Variants in NPSR1 observed in about 807,000 individuals in gnomAD.
The protein encoded by NPSR1 is neuropeptide S receptor 1.
NPSR1 carries 48 observed loss-of-function variants against 46.9 expected under a neutral mutation model. That is an observed-to-expected ratio of 1.02 (90% CI 0.81 to 1.30). The LOEUF is 1.30. Among genes scored for constraint, NPSR1 ranks in the 50% most tolerant of loss-of-function variants. The pLI is 0.00. For synonymous variants in NPSR1, 176 were observed against 168.1 expected (o/e 1.05, Z -0.36); for missense variants, 450 against 449.5 (o/e 1.00, Z -0.01).
rs374029237 is a variant in NPSR1, at chr7:34,740,685, G to A, written c.281-37777G>A. On this transcript the variant is annotated intron_variant, in intron 2 of 8. Transcript: ENST00000360581. Reference sequence around the variant, plus strand: ...CTAGACCTTTAGGTTACCTAGTGACGGTGTGTGTTTGGGGGTGGACAATCT... The same window carrying A: ...CTAGACCTTTAGGTTACCTAGTGACAGTGTGTGTTTGGGGGTGGACAATCT... 5.1e-4 allele frequency among the ~76,000 whole-genome samples: 77 copies of A among 152,242 alleles called. 2 individuals carry two copies. In the South Asian group the frequency reaches 9.1e-3, roughly 18 times the overall value.
At position 34,793,861 on chromosome 7, in the gene NPSR1, T is replaced by C. The variant is rs544299480; in HGVS notation, c.384+15296T>C. 2.0e-5 allele frequency among the ~76,000 whole-genome samples: 3 copies of C among 152,298 alleles called. No individual in the cohort carries two copies. The East Asian group carries it at 5.8e-4, about 29-fold the overall frequency. The stretch of plus-strand genomic sequence containing the variant: ...GAATGAATTTAAAAATCTTGGTATA[T>C]ACATAATATGCAATACTATTCATTC... On this transcript the variant is annotated intron_variant, in intron 3 of 8. Coordinates refer to ENST00000360581, the MANE Select transcript of NPSR1 (RefSeq NM_207172.2).
At chr7:34,724,677 C>A (rs992303905) in intron 2 of NPSR1, among the ~76,000 whole-genome samples, 1 of 152,084 alleles carries the variant, frequency 6.6e-6, no homozygotes, top group Non-Finnish European at 1.5e-5. Context: ...GGGGTAAAAT[C>A]CCAGCTCTAT....
At chr7:34,670,536 T>G (rs60891964) in intron 1 of NPSR1, among the ~76,000 whole-genome samples, 1 of 151,316 alleles carries the variant, frequency 6.6e-6, no homozygotes, top group African/African-American at 2.4e-5. Context: ...AAAACAAAAA[T>G]TTAAAGGGAA....
intron 8 of NPSR1, among the ~76,000 whole-genome samples, chr7:34,866,238 G>A (rs1040777365): frequency 6.6e-6 from 1 of 151,774 alleles, no homozygotes; most frequent in East Asian, 1.9e-4. Flanking sequence ...AGATAAGCCA[G>A]TTAACGGGAA....
chr7:34,799,188 T>C lies in NPSR1; in HGVS notation c.385-12582T>C, dbSNP rs139370468. On this transcript the variant is annotated intron_variant, in intron 3 of 8. Coordinates refer to ENST00000360581, the MANE Select transcript of NPSR1 (RefSeq NM_207172.2). ...TGAGGTAATGAATATGTTAATTAGCTTTACTTAGCCATTCCACATGTATAC... is the reference window on the plus strand; with the variant it reads ...TGAGGTAATGAATATGTTAATTAGCCTTACTTAGCCATTCCACATGTATAC... 1.5e-3 allele frequency among the ~76,000 whole-genome samples: 226 copies of C among 152,228 alleles called. 4 individuals carry two copies. Among genetic ancestry groups the C allele is most frequent in the African/African-American group, 4.8e-3 (201 of 41,578 alleles).
intron 2 of NPSR1, among the ~76,000 whole-genome samples, chr7:34,758,638 G>T (rs140038972): frequency 6.6e-6 from 1 of 152,252 alleles, no homozygotes; most frequent in African/African-American, 2.4e-5. Context: ...TTCAAGAGTA[G>T]TACAAATACC....
At chr7:34,817,678 T>C (rs1356572986) in intron 4 of NPSR1, among the ~76,000 whole-genome samples, 2 of 150,026 alleles carry the variant, frequency 1.3e-5, no homozygotes, top group Non-Finnish European at 3.0e-5. Flanking sequence ...AATAAAGTAC[T>C]GGCAAACTGA....
chr7:34,722,299 G>A (rs1783899803), intron 2 of NPSR1, among the ~76,000 whole-genome samples: 2 of 152,000 alleles, frequency 1.3e-5, no homozygotes, highest in South Asian at 4.1e-4. Context: ...CCATCCGTAG[G>A]GTAATAAACT....
At chr7:34,712,355 CT>C (rs1783342680) in intron 2 of NPSR1, among the ~76,000 whole-genome samples, 1 of 152,130 alleles carries the variant, frequency 6.6e-6, no homozygotes, top group South Asian at 2.1e-4. Context: ...TGTTGTTGTG[CT>C]TTTCTATGCC....
intron 8 of NPSR1, among the ~76,000 whole-genome samples, chr7:34,877,888 G>A (rs1791614423): frequency 6.6e-6 from 1 of 152,184 alleles, no homozygotes; most frequent in South Asian, 2.1e-4. Context: ...GAAGATGAAT[G>A]AAGCAGAGCT....
At chr7:34,855,090 G>A (rs1409667147) in intron 8 of NPSR1, among the ~76,000 whole-genome samples, 1 of 151,966 alleles carries the variant, frequency 6.6e-6, no homozygotes, top group Non-Finnish European at 1.5e-5. Context: ...TGTACTGAAT[G>A]TTAATGAAAG....
intron 3 of NPSR1, among the ~76,000 whole-genome samples, chr7:34,803,494 A>G (rs1187330607): frequency 2.6e-5 from 4 of 151,528 alleles, no homozygotes; most frequent in Admixed American, 2.0e-4. Context: ...GCAGGTTCGC[A>G]CTCATAGGTG....
At chr7:34,700,127 G>A (rs1793744416) in intron 2 of NPSR1, among the ~76,000 whole-genome samples, 1 of 152,138 alleles carries the variant, frequency 6.6e-6, no homozygotes, top group African/African-American at 2.4e-5. Flanking sequence ...AACCAAGGAA[G>A]GTCAGAAAGA....
At chr7:34,671,634 C>A (rs35384383) in intron 1 of NPSR1, among the ~76,000 whole-genome samples, 323 of 152,232 alleles carry the variant, frequency 2.1e-3, no homozygotes, top group African/African-American at 7.6e-3. Flanking sequence ...TTACATTTTG[C>A]TACCCAACCA....
chr7:34,764,447 T>C (rs940937641), intron 2 of NPSR1, among the ~76,000 whole-genome samples: 7 of 152,200 alleles, frequency 4.6e-5, no homozygotes, highest in African/African-American at 1.7e-4. Context: ...TTTATTGGAT[T>C]ACAGCCAGGC....
chr7:34,778,341 GA>G, intron 2 of NPSR1, 120 bp from the exon 3 acceptor site: 1 of 571,108 alleles, frequency 1.8e-6, no homozygotes, highest in Non-Finnish European at 3.0e-6. Context: ...GATAAAGCAG[GA>G]AGGAAAAAAA....
At chr7:34,777,113 G>A (rs1306563503) in intron 2 of NPSR1, among the ~76,000 whole-genome samples, 2 of 152,126 alleles carry the variant, frequency 1.3e-5, no homozygotes, top group African/African-American at 4.8e-5. Flanking sequence ...CCTCCCCAGT[G>A]TACTGGCTCT....
rs192849238 is a variant in NPSR1, at chr7:34,845,464, T to A, written c.844+482T>A. 4.8e-4 allele frequency: 201 copies of A among 417,970 alleles called. 1 individual carries two copies. Among genetic ancestry groups the A allele is most frequent in the Admixed American group, 1.3e-3 (42 of 33,216 alleles). 25.9% of individuals were successfully genotyped at this position (417,970 alleles called of 1,614,324 possible). On this transcript the variant is annotated intron_variant, in intron 7 of 8. Coordinates refer to ENST00000360581, the MANE Select transcript of NPSR1 (RefSeq NM_207172.2). ...CCCTTTCCTTTTCCTTTCTCTCTAC[T>A]CTTAAGACTCATAAAGTCACCTTGT...
intron 2 of NPSR1, among the ~76,000 whole-genome samples, chr7:34,763,917 CT>C (rs963773007): frequency 2.0e-5 from 3 of 151,972 alleles, no homozygotes; most frequent in Non-Finnish European, 4.4e-5. Context: ...AAAGACTTGA[CT>C]TTTTTTTAGT....
Sources: gnomAD v4.1 joint callset for allele counts (sites outside exome capture counted in the v4.1 genomes callset) on GRCh38, gnomAD v4.1.1 for gene constraint, MANE v1.5 for transcripts, NCBI Gene and HGNC (gene_info 2026-07-23, HGNC 2026-07-21) for gene names.